KCNIP4: variants seen among roughly 807,000 people sequenced by gnomAD.
The protein encoded by KCNIP4 is potassium voltage-gated channel interacting protein 4, also known as Kv channel-interacting protein 4.
A neutral mutation model predicts 34.0 loss-of-function variants in KCNIP4; 12 were observed. The observed-to-expected ratio is 0.35, with a 90% CI of 0.23 to 0.57. The LOEUF (loss-of-function observed/expected upper bound fraction) is 0.57. KCNIP4 is among the 20% of genes least tolerant of loss of function. KCNIP4 has a pLI of 0.83. For synonymous variants in KCNIP4, 124 were observed against 102.2 expected, an observed-to-expected ratio of 1.21 and a Z score of -1.29; for missense variants, 238 against 311.7, an observed-to-expected ratio of 0.76 and a Z score of 1.78.
chr4:20,828,868 G>A (rs987763936), intron 3 of KCNIP4, among the ~76,000 whole-genome samples: 2 of 152,184 alleles, frequency 1.3e-5, no homozygotes, highest in African/African-American at 4.8e-5. Context: ...AGAGAGTACT[G>A]AGAGATAGGA....
At chr4:21,580,432 T>A (rs1399661848) in intron 1 of KCNIP4, among the ~76,000 whole-genome samples, 221 of 152,210 alleles carry the variant, frequency 1.5e-3, no homozygotes, top group Non-Finnish European at 1.5e-5. Context: ...GCTCAAGATA[T>A]TTAAAAGAAA....
At chr4:20,984,329 G>A (rs1255452380) in intron 1 of KCNIP4, among the ~76,000 whole-genome samples, 3 of 152,218 alleles carry the variant, frequency 2.0e-5, no homozygotes, top group Non-Finnish European at 4.4e-5. Flanking sequence ...CGCTTCCCTC[G>A]CTGAGGACGC....
chr4:21,246,265 C>T (rs1215721215), intron 1 of KCNIP4, among the ~76,000 whole-genome samples: 1 of 152,202 alleles, frequency 6.6e-6, no homozygotes, highest in Non-Finnish European at 1.5e-5. Context: ...AAGTTCTCTA[C>T]TTTAAAACCA....
chr4:21,073,639 G>T (rs1209775953), intron 1 of KCNIP4, among the ~76,000 whole-genome samples: 1 of 152,086 alleles, frequency 6.6e-6, no homozygotes, highest in Non-Finnish European at 1.5e-5. Context: ...TCTTTCTCCT[G>T]CCTGATTGCC....
rs1747272474 is a variant in KCNIP4, at chr4:20,729,487, T to TAATAATTTTTAAATGTTTA, written c.*576_*594dup. 2 of 119,006 alleles carry TAATAATTTTTAAATGTTTA rather than the reference T, an allele frequency of 1.7e-5. No homozygotes were observed. The highest frequency in any genetic ancestry group is 7.3e-5 in the African/African-American group (2 of 27,246). 7.4% of individuals were successfully genotyped at this position (119,006 alleles called of 1,614,324 possible). On this transcript the variant is annotated 3_prime_UTR_variant, in exon 9 of 9. Coordinates refer to ENST00000382152, the MANE Select transcript of KCNIP4 (RefSeq NM_025221.6). Reference sequence around the variant, plus strand: ...GATAATAAACTAATTTTTAAATGTTTAATAATTTTTAAATGTTTAAAAATG... The same window carrying TAATAATTTTTAAATGTTTA: ...GATAATAAACTAATTTTTAAATGTTTAATAATTTTTAAATGTTTAAATAATTTTTAAATGTTTAAAAATG...
chr4:21,741,759 C>A (rs1716417902), intron 1 of KCNIP4, among the ~76,000 whole-genome samples: 1 of 152,106 alleles, frequency 6.6e-6, no homozygotes, highest in Admixed American at 6.5e-5. Flanking sequence ...ATACACTAGG[C>A]CGGGCGTGGT....
At chr4:21,916,146 G>A (rs1305848845) in intron 1 of KCNIP4, among the ~76,000 whole-genome samples, 1 of 152,184 alleles carries the variant, frequency 6.6e-6, no homozygotes, top group Admixed American at 6.5e-5. Flanking sequence ...TTCTCTAAGT[G>A]TTTCTCAGAC....
At chr4:21,038,793 G>A (rs373894769) in intron 1 of KCNIP4, among the ~76,000 whole-genome samples, 1 of 152,208 alleles carries the variant, frequency 6.6e-6, no homozygotes, top group Non-Finnish European at 1.5e-5. Flanking sequence ...TTTCATAGAA[G>A]TCTGAGGTTG....
At chr4:20,761,682 T>C (rs1243756770) in intron 3 of KCNIP4, among the ~76,000 whole-genome samples, 2 of 152,172 alleles carry the variant, frequency 1.3e-5, no homozygotes, top group African/African-American at 2.4e-5. Context: ...TCAACAAATT[T>C]GTTAGCTGCC....
chr4:21,093,810 C>T (rs896150034), intron 1 of KCNIP4, among the ~76,000 whole-genome samples: 1 of 152,118 alleles, frequency 6.6e-6, no homozygotes, highest in East Asian at 1.9e-4. Context: ...TGGCCAGGCA[C>T]GTTGGCTGAC....
At chr4:21,723,555 T>C (rs1011169050) in intron 1 of KCNIP4, among the ~76,000 whole-genome samples, 2 of 151,954 alleles carry the variant, frequency 1.3e-5, no homozygotes, top group African/African-American at 2.4e-5. Flanking sequence ...TAGGAAAACA[T>C]AGGAGACAAG....
intron 1 of KCNIP4, among the ~76,000 whole-genome samples, chr4:21,200,677 T>C (rs1017900073): frequency 6.6e-6 from 1 of 151,880 alleles, no homozygotes; most frequent in African/African-American, 2.4e-5. Context: ...AAAAATTATC[T>C]ATTGGGTACG....
Position 21,272,031 on chromosome 4 carries a change from T to C in KCNIP4, c.62-389322A>G, listed in dbSNP as rs557552607. On this transcript the variant is annotated intron_variant, in intron 1 of 8. Transcript: ENST00000382152. ...TGAAATATGAAGAATGCCTTCTTAG[T>C]CAAGTAGCATTTTTATTTGAGGTGA... Among the ~76,000 whole-genome samples the C allele has an allele frequency of 4.6e-5, 7 of 152,322 alleles. No individual in the cohort carries two copies. The South Asian group carries it at 1.0e-3, about 23-fold the overall frequency.
chr4:20,960,134 G>A (rs1388905103), intron 1 of KCNIP4, among the ~76,000 whole-genome samples: 1 of 152,204 alleles, frequency 6.6e-6, no homozygotes, highest in Non-Finnish European at 1.5e-5. Context: ...TAGTTAGGAT[G>A]AAATGAGGAG....
intron 1 of KCNIP4, among the ~76,000 whole-genome samples, chr4:20,952,478 C>A (rs1029090359): frequency 1.1e-4 from 16 of 151,980 alleles, no homozygotes; most frequent in Non-Finnish European, 2.1e-4. Context: ...ATTTTACTAT[C>A]TAGTAATTGA....
chr4:20,788,801 ATGG>A, intron 3 of KCNIP4, among the ~76,000 whole-genome samples: 1 of 152,166 alleles, frequency 6.6e-6, no homozygotes, highest in Non-Finnish European at 1.5e-5. Context: ...GCAAACAAAA[ATGG>A]AAAATTACAC....
At position 21,903,946 on chromosome 4, in the gene KCNIP4, T is replaced by C. The variant is rs1727850037; in HGVS notation, c.61+44625A>G. Among the ~76,000 whole-genome samples, 5 of 152,198 alleles carry C rather than the reference T, an allele frequency of 3.3e-5. 1 individual carries two copies. Reference sequence around the variant, plus strand: ...ATTTTATCGTCTCATATCTTCAAAATATATTCTGCAGTTTGTTAAAAAGAA... The same window carrying C: ...ATTTTATCGTCTCATATCTTCAAAACATATTCTGCAGTTTGTTAAAAAGAA... On this transcript the variant is annotated intron_variant, in intron 1 of 8. Coordinates refer to ENST00000382152, the MANE Select transcript of KCNIP4 (RefSeq NM_025221.6).
intron 3 of KCNIP4, among the ~76,000 whole-genome samples, chr4:20,791,760 T>C (rs929936396): frequency 1.3e-5 from 2 of 152,218 alleles, no homozygotes; most frequent in African/African-American, 4.8e-5. Context: ...TTCTAGCTGT[T>C]CTCTGAAGGT....
intron 1 of KCNIP4, among the ~76,000 whole-genome samples, chr4:21,778,780 TAAC>T (rs2109207936): frequency 6.6e-6 from 1 of 152,250 alleles, no homozygotes; most frequent in Non-Finnish European, 1.5e-5. Flanking sequence ...GTAATAATAA[TAAC>T]ATCAACTAAA....
Sources: allele counts gnomAD v4.1 joint callset (sites outside exome capture counted in the v4.1 genomes callset), GRCh38; gene constraint gnomAD v4.1.1; transcripts MANE v1.5; gene names NCBI Gene and HGNC (gene_info 2026-07-23, HGNC 2026-07-21).